SAMD12: variants seen among roughly 807,000 people sequenced by gnomAD.
The protein encoded by SAMD12 is sterile alpha motif domain-containing protein 12.
A neutral mutation model predicts 15.0 loss-of-function variants in SAMD12; 9 were observed. That is an observed-to-expected ratio of 0.60 (90% confidence interval 0.36 to 1.05). The LOEUF is 1.05. Ranked by LOEUF, SAMD12 falls within the 50% of genes least tolerant of loss-of-function variation. The probability of loss-of-function intolerance (pLI) is 0.01; values close to 1 mark genes in which losing one functional copy is unlikely to be tolerated. For synonymous variants in SAMD12, 86 were observed against 90.1 expected (o/e 0.96, Z 0.25); for missense variants, 230 against 234.2 (o/e 0.98, Z 0.12).
At chr8:118,218,694 A>G (rs1440170514) in intron 4 of SAMD12, among the ~76,000 whole-genome samples, 1 of 152,176 alleles carries the variant, frequency 6.6e-6, no homozygotes, top group African/African-American at 2.4e-5. Context: ...ATTGCAAATG[A>G]CAGTGTCTCC....
At chr8:118,143,698 TAGGC>T in the SAMD12 span, among the ~76,000 whole-genome samples, 1 of 152,152 alleles carries the variant, frequency 6.6e-6, no homozygotes, top group Non-Finnish European at 1.5e-5. Flanking sequence ...TCCAACTTTC[TAGGC>T]ACGGGCAAAG....
intron 2 of SAMD12, among the ~76,000 whole-genome samples, chr8:118,497,042 G>A (rs908263155): frequency 6.6e-6 from 1 of 152,266 alleles, no homozygotes; most frequent in Middle Eastern, 3.4e-3. Flanking sequence ...TAGTCAGAAT[G>A]GCTATTACTA....
chr8:118,570,454 T>C (rs1005812494), intron 2 of SAMD12, among the ~76,000 whole-genome samples: 1 of 152,148 alleles, frequency 6.6e-6, no homozygotes, highest in African/African-American at 2.4e-5. Flanking sequence ...AGTGAGAACA[T>C]GTTGTATTTG....
At chr8:118,278,843 T>C (rs879697928) in intron 4 of SAMD12, among the ~76,000 whole-genome samples, 12 of 152,188 alleles carry the variant, frequency 7.9e-5, no homozygotes, top group African/African-American at 1.4e-4. Context: ...TAAAGGTGCA[T>C]TGTTTCCATT....
At chr8:118,429,386 G>T (rs1268737091) in intron 3 of SAMD12, among the ~76,000 whole-genome samples, 1 of 152,066 alleles carries the variant, frequency 6.6e-6, no homozygotes, top group Non-Finnish European at 1.5e-5. Flanking sequence ...TATGTATTCT[G>T]CAAATATTCC....
At chr8:118,228,150 A>T (rs1338095794) in intron 4 of SAMD12, among the ~76,000 whole-genome samples, 2 of 152,230 alleles carry the variant, frequency 1.3e-5, no homozygotes, top group East Asian at 1.9e-4. Context: ...TGGATTAAAG[A>T]CTTAAACCTA....
chr8:118,589,580 C>T (rs1417971037), intron 1 of SAMD12, among the ~76,000 whole-genome samples: 1 of 152,188 alleles, frequency 6.6e-6, no homozygotes, highest in Non-Finnish European at 1.5e-5. Context: ...ATGTCCAAGG[C>T]ATGAATATTA....
chr8:118,252,594 T>C (rs1812844679), intron 4 of SAMD12, among the ~76,000 whole-genome samples: 1 of 152,140 alleles, frequency 6.6e-6, no homozygotes, highest in South Asian at 2.1e-4. Context: ...TTTCTCCTCT[T>C]GCTTTTCCCA....
intron 4 of SAMD12, among the ~76,000 whole-genome samples, chr8:118,241,547 G>T (rs1180693679): frequency 6.6e-6 from 1 of 152,110 alleles, no homozygotes; most frequent in Non-Finnish European, 1.5e-5. Flanking sequence ...AGTTTAAGAT[G>T]ATTATACCTT....
intron 3 of SAMD12, among the ~76,000 whole-genome samples, chr8:118,390,685 C>T (rs1260533348): frequency 6.6e-6 from 1 of 152,170 alleles, no homozygotes; most frequent in Non-Finnish European, 1.5e-5. Flanking sequence ...TCTCCTCTCA[C>T]TTCTACCTGA....
chr8:118,381,927 T>G (rs1193538136), intron 3 of SAMD12, among the ~76,000 whole-genome samples: 1 of 152,196 alleles, frequency 6.6e-6, no homozygotes, highest in Non-Finnish European at 1.5e-5. Context: ...CATTTCTGGC[T>G]GCTGGCACAC....
At chr8:118,459,391 C>T (rs60695012) in intron 2 of SAMD12, among the ~76,000 whole-genome samples, 9,735 of 119,892 alleles carry the variant, frequency 0.081, 955 homozygotes, top group African/African-American at 0.28. Flanking sequence ...TAATCTATCA[C>T]ATTAACTTTG....
At position 118,468,152 on chromosome 8, in the gene SAMD12, T is replaced by C. The variant is rs114777365; in HGVS notation, c.193-28191A>G. Among the ~76,000 whole-genome samples the C allele has an allele frequency of 5.2e-3, 785 of 152,268 alleles. 12 individuals are homozygous for C. Among genetic ancestry groups the C allele is most frequent in the African/African-American group, 0.017 (702 of 41,534 alleles). On this transcript the variant is annotated intron_variant, in intron 2 of 3. Coordinates refer to ENST00000314727, the MANE Select transcript of SAMD12 (RefSeq NM_207506.3). ...GCAGAGTACCCTAGCACAAGAAGTA[T>C]ATATGCAGATACACATCCCAGGCCC... is the stretch of plus-strand genomic sequence containing the variant.
At chr8:118,436,849 T>C (rs1055423778) in intron 3 of SAMD12, among the ~76,000 whole-genome samples, 6 of 152,210 alleles carry the variant, frequency 3.9e-5, no homozygotes, top group Non-Finnish European at 5.9e-5. Context: ...ATGCGCTGTA[T>C]GCTCACTGTG....
At chr8:118,533,003 T>C (rs201566184) in intron 2 of SAMD12, among the ~76,000 whole-genome samples, 7 of 152,134 alleles carry the variant, frequency 4.6e-5, no homozygotes, top group African/African-American at 1.4e-4. Context: ...TTTGCTCTTG[T>C]TTCTCTAGTT....
intron 3 of SAMD12, among the ~76,000 whole-genome samples, chr8:118,412,351 A>G (rs1821451959): frequency 6.6e-6 from 1 of 152,150 alleles, no homozygotes; most frequent in South Asian, 2.1e-4. Flanking sequence ...ACAAGCCTGG[A>G]CCTTGTGTCT....
chr8:118,580,922 A>G, intron 1 of SAMD12, 29 bp from the exon 2 acceptor site: 1 of 1,559,058 alleles, frequency 6.4e-7, no homozygotes, highest in Non-Finnish European at 8.7e-7. Flanking sequence ...TAGAACTCAG[A>G]AAACAAACCA....
chr8:118,546,818 T>C (rs1237837370), intron 2 of SAMD12, among the ~76,000 whole-genome samples: 1 of 152,182 alleles, frequency 6.6e-6, no homozygotes, highest in Non-Finnish European at 1.5e-5. Context: ...CATTGGGAAC[T>C]GAGCCCAGCA....
chr8:118,473,814 AT>A (rs1823879573), intron 2 of SAMD12, among the ~76,000 whole-genome samples: 1 of 152,026 alleles, frequency 6.6e-6, no homozygotes, highest in Non-Finnish European at 1.5e-5. Flanking sequence ...ACTCTCTAGA[AT>A]TTTTCCCATC....
Sources: allele counts gnomAD v4.1 joint callset (sites outside exome capture counted in the v4.1 genomes callset), GRCh38; gene constraint gnomAD v4.1.1; transcripts MANE v1.5; gene names NCBI Gene and HGNC (gene_info 2026-07-23, HGNC 2026-07-21).